Variants in ADCY9 observed in about 807,000 individuals in gnomAD.
ADCY9 encodes adenylate cyclase 9, also known as adenylate cyclase type 9.
ADCY9 carries 50 observed loss-of-function variants against 101.5 expected under a neutral mutation model. The ratio of observed to expected loss-of-function variants is 0.49; its 90% confidence interval spans 0.39 to 0.62. The LOEUF is 0.62. ADCY9 is among the 20% of genes least tolerant of loss of function. The pLI is 0.00. For missense variants in ADCY9, 1,662 were observed against 1,800.4 expected, an observed-to-expected ratio of 0.92 and a Z score of 1.39; for synonymous variants, 905 against 769.3, an observed-to-expected ratio of 1.18 and a Z score of -2.92.
intron 2 of ADCY9, among the ~76,000 whole-genome samples, chr16:4,081,965 A>C (rs1453775026): frequency 6.6e-6 from 1 of 152,052 alleles, no homozygotes; most frequent in African/African-American, 2.4e-5. Context: ...AGCAGCAAGA[A>C]AAAGGGATTG....
At chr16:4,071,940 A>G (rs1013605960) in intron 2 of ADCY9, among the ~76,000 whole-genome samples, 1 of 152,134 alleles carries the variant, frequency 6.6e-6, no homozygotes, top group Non-Finnish European at 1.5e-5. Context: ...CCTCCTGAGT[A>G]GCTGGGATTA....
At chr16:4,064,931 C>A (rs2056791995) in intron 2 of ADCY9, among the ~76,000 whole-genome samples, 1 of 152,196 alleles carries the variant, frequency 6.6e-6, no homozygotes, top group South Asian at 2.1e-4. Flanking sequence ...CCAGTCCACT[C>A]CTGATTCATG....
chr16:4,084,422 AT>A (rs2141182593), intron 2 of ADCY9, among the ~76,000 whole-genome samples: 1 of 152,084 alleles, frequency 6.6e-6, no homozygotes, highest in East Asian at 1.9e-4. Flanking sequence ...TCAATAAAGC[AT>A]TTTTTAAAAA....
At chr16:4,018,245 G>A (rs1293058383) in intron 2 of ADCY9, among the ~76,000 whole-genome samples, 8 of 145,560 alleles carry the variant, frequency 5.5e-5, no homozygotes, top group African/African-American at 5.1e-5. Flanking sequence ...ATGGAGTCTC[G>A]CTCTGTTGCC....
intron 2 of ADCY9, among the ~76,000 whole-genome samples, chr16:4,048,644 A>G (rs530052766): frequency 1.3e-5 from 2 of 152,246 alleles, no homozygotes; most frequent in East Asian, 1.9e-4. Context: ...GGAGGCCACA[A>G]TGGCAAATAA....
chr16:3,977,224 T>C (rs1410479833), intron 9 of ADCY9, among the ~76,000 whole-genome samples: 2 of 152,232 alleles, frequency 1.3e-5, no homozygotes, highest in Admixed American at 1.3e-4. Context: ...AATGGCAGCA[T>C]TATGTTTTCC....
chr16:4,107,658 G>T (rs2057086391), intron 2 of ADCY9, among the ~76,000 whole-genome samples: 1 of 151,920 alleles, frequency 6.6e-6, no homozygotes, highest in Admixed American at 6.6e-5. Context: ...AGTGGCAAGG[G>T]TTGCAGGCTT....
At chr16:3,967,038 C>T (rs781446683) in intron 10 of ADCY9, 72 bp from the exon 11 acceptor site, 40 of 1,294,318 alleles carry the variant, frequency 3.1e-5, no homozygotes, top group Non-Finnish European at 4.2e-5. Flanking sequence ...GCCCCGCTAG[C>T]TACGCAAAGC....
chr16:4,097,433 G>A (rs933071076), intron 2 of ADCY9, among the ~76,000 whole-genome samples: 2 of 114,254 alleles, frequency 1.8e-5, no homozygotes, highest in South Asian at 3.0e-4. Flanking sequence ...CACATAACAG[G>A]GTACTCACAT....
chr16:4,074,685 C>T (rs1273850511), intron 2 of ADCY9, among the ~76,000 whole-genome samples: 3 of 138,096 alleles, frequency 2.2e-5, no homozygotes, highest in Non-Finnish European at 4.5e-5. Context: ...CCATTGTACC[C>T]CAGTCTGGAT....
intron 2 of ADCY9, among the ~76,000 whole-genome samples, chr16:4,039,521 A>G (rs1368679927): frequency 1.3e-5 from 2 of 151,782 alleles, no homozygotes; most frequent in Non-Finnish European, 2.9e-5. Context: ...TCTACTAAAA[A>G]TACAAAAATT....
intron 2 of ADCY9, among the ~76,000 whole-genome samples, chr16:4,086,849 G>C (rs981005657): frequency 7.3e-5 from 11 of 151,640 alleles, no homozygotes; most frequent in African/African-American, 2.4e-4. Flanking sequence ...TAGTAGAGAT[G>C]GGGTTTCACC....
At chr16:4,048,860 C>T (rs2056682856) in intron 2 of ADCY9, among the ~76,000 whole-genome samples, 3 of 152,060 alleles carry the variant, frequency 2.0e-5, no homozygotes, top group African/African-American at 7.2e-5. Flanking sequence ...AGGCAGGGCC[C>T]ATGGTCACTC....
Position 3,992,402 on chromosome 16 carries a change from A to AGTGGCAC in ADCY9, c.1990-46_1990-40dup. ...AAGAGGACGCAGACACGGGAAGTGA[A>AGTGGCAC]GTGGCACCGGGCACTGGGCACACAC... On this transcript the variant is annotated intron_variant, in intron 4 of 10. Coordinates refer to ENST00000294016, the MANE Select transcript of ADCY9 (RefSeq NM_001116.4). The surrounding 1 kb of genome is among the most constrained non-coding windows in gnomAD (Gnocchi z 4.2). 1 of 1,590,804 alleles carries AGTGGCAC rather than the reference A, an allele frequency of 6.3e-7. No individual in the cohort carries two copies. The highest frequency in any genetic ancestry group is 8.6e-7 in the Non-Finnish European group (1 of 1,162,320).
chr16:3,983,296 CG>C lies in ADCY9; in HGVS notation c.2454del (p.Ala819ProfsTer85). On this transcript the variant is annotated frameshift_variant, in exon 7 of 11. Coordinates refer to ENST00000294016, the MANE Select transcript of ADCY9 (RefSeq NM_001116.4). LOFTEE classifies it high-confidence loss of function. Reference protein sequence around the residue: ...KYEAATVPPPPAALAVFSAAL... With the variant: ...KYEAATVPPPXAALAVFSAAL... ...GCTGCACTGAAGACCGCCAGGGCGG[CG>C]GGCGGGGGAGGCACGGTGGCCGCCT... 1 of 1,561,120 alleles carries C rather than the reference CG, an allele frequency of 6.4e-7. No individual in the cohort carries two copies. Among genetic ancestry groups the C allele is most frequent in the Non-Finnish European group, 8.7e-7 (1 of 1,152,988 alleles).
chr16:4,010,010 G>C (rs2056393041), intron 2 of ADCY9, among the ~76,000 whole-genome samples: 1 of 152,248 alleles, frequency 6.6e-6, no homozygotes, highest in Non-Finnish European at 1.5e-5. Context: ...GGAGACCGCA[G>C]TCCCCACATA....
rs766196075 is a variant in ADCY9, at chr16:3,993,375, C to G, written c.1989+31G>C. ...TTGGGTGGATGCGCCAGGAGAGGAA[C>G]TGACAGGAACAACAGCCATGAGCTT... On this transcript the variant is annotated intron_variant, in intron 4 of 10. Transcript: ENST00000294016. The G allele has an allele frequency of 2.5e-5, 40 of 1,608,366 alleles. 2 individuals carry two copies. The South Asian group carries it at 2.7e-4, about 11-fold the overall frequency.
chr16:4,042,211 C>T (rs1399238221), intron 2 of ADCY9, among the ~76,000 whole-genome samples: 1 of 152,090 alleles, frequency 6.6e-6, no homozygotes, highest in Non-Finnish European at 1.5e-5. Context: ...GCGTGAGCCA[C>T]GGCGCCCAGC....
At chr16:4,061,441 C>G (rs2056772961) in intron 2 of ADCY9, among the ~76,000 whole-genome samples, 1 of 152,038 alleles carries the variant, frequency 6.6e-6, no homozygotes, top group African/African-American at 2.4e-5. Flanking sequence ...AAGCCAAAAA[C>G]AAAGAGAAAA....
Sources: gnomAD v4.1 joint callset for allele counts (sites outside exome capture counted in the v4.1 genomes callset) on GRCh38, gnomAD v4.1.1 for gene constraint, Gnocchi (gnomAD v3.1) non-coding constraint, MANE v1.5 for transcripts, NCBI Gene and HGNC (gene_info 2026-07-23, HGNC 2026-07-21) for gene names.